Variants in POLR3B observed in about 807,000 individuals in gnomAD.
POLR3B encodes the protein RNA polymerase III subunit B.
In POLR3B, 96 loss-of-function variants were observed where a neutral mutation model predicts 147.4. The ratio of observed to expected loss-of-function variants is 0.65; its 90% confidence interval spans 0.55 to 0.77. The LOEUF is 0.77. POLR3B is among the 30% of genes least tolerant of loss of function. POLR3B has a pLI of 0.00. For missense variants in POLR3B, 1,036 were observed against 1,413.5 expected (o/e 0.73, Z 4.28); for synonymous variants, 461 against 485.9 (o/e 0.95, Z 0.67).
intron 23 of POLR3B, among the ~76,000 whole-genome samples, chr12:106,485,032 T>C (rs1456753789): frequency 6.6e-6 from 1 of 152,114 alleles, no homozygotes; most frequent in Non-Finnish European, 1.5e-5. Flanking sequence ...AACAGAACCG[T>C]TGGATGGTGG....
chr12:106,404,478 G>C (rs2037123148), intron 10 of POLR3B, among the ~76,000 whole-genome samples: 1 of 152,156 alleles, frequency 6.6e-6, no homozygotes, highest in Non-Finnish European at 1.5e-5. Context: ...TGGGTGTATA[G>C]TGGTATCTCA....
At chr12:106,403,441 C>T (rs1367923413) in intron 10 of POLR3B, among the ~76,000 whole-genome samples, 3 of 150,886 alleles carry the variant, frequency 2.0e-5, no homozygotes, top group Non-Finnish European at 3.0e-5. Context: ...ACCATTTGAC[C>T]CAGCCATCCC....
chr12:106,490,697 A>AG (rs766100902), intron 23 of POLR3B, among the ~76,000 whole-genome samples: 171 of 152,102 alleles, frequency 1.1e-3, no homozygotes, highest in African/African-American at 3.6e-3. Flanking sequence ...TAGCTGGAAA[A>AG]GGGGAGGGGA....
At chr12:106,405,708 A>T (rs1176832584) in intron 10 of POLR3B, 149 bp from the exon 11 acceptor site, 2 of 744,666 alleles carry the variant, frequency 2.7e-6, no homozygotes, top group African/African-American at 3.5e-5. Context: ...TTGATTTATG[A>T]TAAACGTTGA....
intron 25 of POLR3B, among the ~76,000 whole-genome samples, chr12:106,498,211 A>G (rs944983046): frequency 2.0e-4 from 30 of 152,276 alleles, no homozygotes; most frequent in African/African-American, 7.2e-4. Flanking sequence ...GGGAGAGGAA[A>G]AGTTATGTTT....
At chr12:106,500,387 G>T (rs984021483) in intron 25 of POLR3B, among the ~76,000 whole-genome samples, 6 of 152,202 alleles carry the variant, frequency 3.9e-5, no homozygotes, top group Non-Finnish European at 8.8e-5. Flanking sequence ...CCAGTTGTGT[G>T]CCAGGCAGGG....
chr12:106,488,570 T>A (rs149488191), intron 23 of POLR3B, among the ~76,000 whole-genome samples: 24 of 152,320 alleles, frequency 1.6e-4, no homozygotes, highest in Non-Finnish European at 3.1e-4. Context: ...ATAATGATGT[T>A]CCAAAGGGAA....
chr12:106,467,242 T>G lies in POLR3B; in HGVS notation c.2713+3622T>G, dbSNP rs990747628. On this transcript the variant is annotated intron_variant, in intron 23 of 27. Transcript: ENST00000228347. ...GTGAATGGGAGTTCACTCATGATTT[T>G]GCTCTCTGTTTGTCTGTTATTGGTG... Among the ~76,000 whole-genome samples, 4 of 152,066 alleles carry G rather than the reference T, an allele frequency of 2.6e-5. No homozygotes were observed. The South Asian group carries it at 6.2e-4, about 24-fold the overall frequency.
chr12:106,357,771 G>C lies in POLR3B; in HGVS notation c.-109G>C. 1.8e-6 allele frequency: 2 copies of C among 1,085,100 alleles called. No individual in the cohort carries two copies. Among genetic ancestry groups the C allele is most frequent in the South Asian group, 1.3e-5 (1 of 74,536 alleles). The allele number at this position is 1,085,100 out of a possible 1,614,324, so 67.2% of individuals were successfully genotyped here. On this transcript the variant is annotated 5_prime_UTR_variant, in exon 1 of 28. Coordinates refer to ENST00000228347, the MANE Select transcript of POLR3B (RefSeq NM_018082.6). ...GCGTCTCTAGCTAACACGCACGGCG[G>C]GGACAGTTTAGGCCTCCGCGCACCG...
At chr12:106,474,017 T>C (rs950412817) in intron 23 of POLR3B, among the ~76,000 whole-genome samples, 94 of 134,034 alleles carry the variant, frequency 7.0e-4, no homozygotes, top group Middle Eastern at 3.8e-3. Flanking sequence ...TAGATAGCTC[T>C]TATTATTTTG....
chr12:106,463,196 C>T (rs2037963408), intron 22 of POLR3B, among the ~76,000 whole-genome samples: 2 of 152,302 alleles, frequency 1.3e-5, no homozygotes, highest in African/African-American at 4.8e-5. Context: ...TACTTAACCC[C>T]TCTAAGCATC....
At chr12:106,449,374 G>C (rs2037768516) in intron 19 of POLR3B, among the ~76,000 whole-genome samples, 1 of 152,082 alleles carries the variant, frequency 6.6e-6, no homozygotes. Flanking sequence ...TGCTCAACCT[G>C]TGCTGCAGTT....
intron 19 of POLR3B, among the ~76,000 whole-genome samples, chr12:106,451,633 C>G (rs11112999): frequency 0.18 from 4,045 of 22,686 alleles, 368 homozygotes; most frequent in African/African-American, 0.45. Context: ...TAAAAAAAGG[C>G]GGGGGGGGAG....
At chr12:106,378,215 C>G in intron 7 of POLR3B, 52 bp from the exon 8 acceptor site, 1 of 1,109,110 alleles carries the variant, frequency 9.0e-7, no homozygotes. Context: ...ATTACTAAAT[C>G]AACACTGGTT....
Position 106,437,140 on chromosome 12 carries a change from C to T in POLR3B, c.1856+9C>T. 6.3e-7 allele frequency: 1 copy of T among 1,591,770 alleles called. No individual in the cohort carries two copies. The highest frequency in any genetic ancestry group is 1.1e-5 in the South Asian group (1 of 90,288). ...CTGGCCCAAGGGTACAGGTAAGTAG[C>T]CAAAAGTAAAACTTACCAATCTCCT... On this transcript the variant is annotated intron_variant, in intron 17 of 27. Transcript: ENST00000228347.
At chr12:106,367,548 A>T (rs1228255129) in intron 4 of POLR3B, among the ~76,000 whole-genome samples, 1 of 152,188 alleles carries the variant, frequency 6.6e-6, no homozygotes, top group African/African-American at 2.4e-5. Flanking sequence ...CTTTTGAACA[A>T]TCTAGTCAGT....
At chr12:106,358,063 C>A in intron 1 of POLR3B, 112 bp downstream of exon 1, 1 of 1,547,860 alleles carries the variant, frequency 6.5e-7, no homozygotes, top group Non-Finnish European at 8.7e-7. Context: ...GCGCATGCGC[C>A]GGGCTTCTGC....
intron 18 of POLR3B, 77 bp from the exon 19 acceptor site, chr12:106,444,386 A>G: frequency 6.8e-7 from 1 of 1,462,378 alleles, no homozygotes; most frequent in Non-Finnish European, 9.6e-7. Context: ...CTAGATAACA[A>G]TATTTTTGTA....
Position 106,433,754 on chromosome 12 carries a change from C to T in POLR3B, c.1663C>T (p.Leu555=), listed in dbSNP as rs756939086. ...ILGVIRDHKK[L]VNTFRLMRRA... ...AGGTGTCATTCGAGACCACAAAAAG[C>T]TAGTGAATACATTTCGACTCATGAG... The change falls in exon 16 of 28, where the codon CTA becomes TTA. Residue 555 remains leucine (L), a synonymous_variant. Transcript: ENST00000228347. 1.2e-6 allele frequency: 2 copies of T among 1,613,528 alleles called. No homozygotes were observed.
Sources: gnomAD v4.1 joint callset for allele counts (sites outside exome capture counted in the v4.1 genomes callset) on GRCh38, gnomAD v4.1.1 for gene constraint, MANE v1.5 for transcripts, NCBI Gene and HGNC (gene_info 2026-07-23, HGNC 2026-07-21) for gene names.